TMTC1: variants seen among roughly 807,000 people sequenced by gnomAD.
TMTC1 encodes the protein protein O-mannosyl-transferase TMTC1.
TMTC1 carries 73 observed loss-of-function variants against 104.8 expected under a neutral mutation model. The observed-to-expected ratio is 0.70, with a 90% CI of 0.58 to 0.85. TMTC1 has a LOEUF of 0.85. Ranked by LOEUF, TMTC1 falls within the 40% of genes least tolerant of loss-of-function variation. TMTC1 has a pLI of 0.00. For synonymous variants in TMTC1, 434 were observed against 428.7 expected (o/e 1.01, Z -0.15); for missense variants, 1,035 against 1,096.1 (o/e 0.94, Z 0.79).
chr12:29,555,169 A>C, intron 10 of TMTC1, among the ~76,000 whole-genome samples: 1 of 106,290 alleles, frequency 9.4e-6, no homozygotes, highest in Non-Finnish European at 1.7e-5. Context: ...ACAGAGTCTC[A>C]CTCTGTCACC....
chr12:29,590,391 A>G (rs1236502301), intron 7 of TMTC1, among the ~76,000 whole-genome samples: 1 of 152,226 alleles, frequency 6.6e-6, no homozygotes, highest in Non-Finnish European at 1.5e-5. Flanking sequence ...CAGCTTAACA[A>G]TGGATAGCCA....
In TMTC1 at chr12:29,562,448, C is replaced by G. The variant is rs538216543; in HGVS notation, c.1533-5448G>C. ...AAATGAATCATTTTAAATGGCTGAA[C>G]CTGATTCCTGAGAATTTACTGCTAG... On this transcript the variant is annotated intron_variant, in intron 9 of 17. Transcript: ENST00000539277. 1.4e-4 allele frequency among the ~76,000 whole-genome samples: 21 copies of G among 152,244 alleles called. No homozygotes were observed. In the East Asian group the frequency reaches 1.9e-3, roughly 14 times the overall value.
In TMTC1 at chr12:29,600,013, T is replaced by A. The variant is rs867838167; in HGVS notation, c.1250+4165A>T. Among the ~76,000 whole-genome samples the A allele has an allele frequency of 3.8e-3, 550 of 143,876 alleles. 4 individuals carry two copies. Among genetic ancestry groups the A allele is most frequent in the Middle Eastern group, 7.2e-3 (2 of 278 alleles). The allele number at this position is 143,876 out of a possible 152,430, so 94.4% of individuals were successfully genotyped here. On this transcript the variant is annotated intron_variant, in intron 7 of 17. Transcript: ENST00000539277. ...ATATACATATATATATATATATTTT[T>A]TTTTTTTTTTCCCTCAAAAGAGCCT...
intron 5 of TMTC1, among the ~76,000 whole-genome samples, chr12:29,692,547 G>T (rs185898512): frequency 6.9e-6 from 1 of 145,154 alleles, no homozygotes; most frequent in African/African-American, 2.5e-5. Flanking sequence ...TACATTACTG[G>T]TAGGATATGT....
chr12:29,570,594 AG>A (rs1945640462), intron 9 of TMTC1, among the ~76,000 whole-genome samples: 1 of 152,194 alleles, frequency 6.6e-6, no homozygotes, highest in Non-Finnish European at 1.5e-5. Context: ...CTGTAATCTC[AG>A]CACTTTGGGA....
At chr12:29,637,575 C>T (rs1938621470) in intron 5 of TMTC1, among the ~76,000 whole-genome samples, 1 of 152,154 alleles carries the variant, frequency 6.6e-6, no homozygotes, top group South Asian at 2.1e-4. Context: ...AAGGGAAAGG[C>T]AAGCTGGAGC....
chr12:29,554,476 T>C (rs1181136818), intron 10 of TMTC1, among the ~76,000 whole-genome samples: 1 of 151,748 alleles, frequency 6.6e-6, no homozygotes, highest in East Asian at 1.9e-4. Context: ...TTAGCAAGAC[T>C]AAAAGTAAGA....
intron 2 of TMTC1, 76 bp from the exon 3 acceptor site, chr12:29,758,853 A>G: frequency 8.0e-7 from 1 of 1,255,992 alleles, no homozygotes; most frequent in Non-Finnish European, 1.1e-6. Context: ...TCCATTACAG[A>G]AATGTATTTG....
At chr12:29,704,266 T>C (rs1318025909) in intron 5 of TMTC1, among the ~76,000 whole-genome samples, 2 of 152,250 alleles carry the variant, frequency 1.3e-5, no homozygotes, top group Admixed American at 1.3e-4. Context: ...ATACACTAAT[T>C]ACAATAAAAT....
At chr12:29,556,439 T>A (rs959735373) in intron 10 of TMTC1, among the ~76,000 whole-genome samples, 3 of 152,302 alleles carry the variant, frequency 2.0e-5, no homozygotes, top group African/African-American at 7.2e-5. Context: ...TCTTTGGAAA[T>A]GCCTTCCCTC....
chr12:29,643,330 G>T (rs1260077303), intron 5 of TMTC1, among the ~76,000 whole-genome samples: 19 of 146,404 alleles, frequency 1.3e-4, no homozygotes, highest in African/African-American at 4.6e-4. Context: ...ATTCGAAAAA[G>T]ATACTTGCAC....
At chr12:29,597,312 C>A (rs1404059940) in intron 7 of TMTC1, among the ~76,000 whole-genome samples, 5 of 145,716 alleles carry the variant, frequency 3.4e-5, no homozygotes, top group Non-Finnish European at 7.4e-5. Context: ...TGAGCTCAAG[C>A]AATTGTCCTG....
intron 5 of TMTC1, among the ~76,000 whole-genome samples, chr12:29,664,964 C>T (rs1248582822): frequency 6.6e-6 from 1 of 152,136 alleles, no homozygotes; most frequent in African/African-American, 2.4e-5. Flanking sequence ...TTCCTCTGAT[C>T]CCATCTAACT....
At chr12:29,545,676 C>CACACACACACACACACA (rs1555167547) in intron 10 of TMTC1, among the ~76,000 whole-genome samples, 1 of 137,848 alleles carries the variant, frequency 7.3e-6, no homozygotes, top group Non-Finnish European at 1.6e-5. Flanking sequence ...CACACACACA[C>CACACACACACACACACA]GGATAGAAAC....
At chr12:29,670,022 G>A (rs10128913) in intron 5 of TMTC1, among the ~76,000 whole-genome samples, 84,305 of 151,882 alleles carry the variant, frequency 0.56, 23,615 homozygotes, top group African/African-American at 0.63. Context: ...TGTGTTTTCC[G>A]TTATTTCCAT....
intron 7 of TMTC1, among the ~76,000 whole-genome samples, chr12:29,584,380 T>C (rs1466358626): frequency 6.6e-6 from 1 of 152,194 alleles, no homozygotes; most frequent in Non-Finnish European, 1.5e-5. Context: ...GTATGTATTT[T>C]AGTTGAAATC....
chr12:29,598,529 C>T (rs540427862), intron 7 of TMTC1, among the ~76,000 whole-genome samples: 1 of 152,290 alleles, frequency 6.6e-6, no homozygotes, highest in East Asian at 1.9e-4. Context: ...GGATATCTTT[C>T]CAATTTTTTC....
intron 5 of TMTC1, among the ~76,000 whole-genome samples, chr12:29,700,367 G>C (rs958094820): frequency 4.0e-5 from 6 of 151,768 alleles, no homozygotes; most frequent in African/African-American, 1.5e-4. Context: ...CGAGTAGCTG[G>C]GCTCTTTTAA....
At position 29,770,630 on chromosome 12, in the gene TMTC1, C is replaced by A. The variant is rs189128374; in HGVS notation, c.303-2555G>T. 2.0e-5 allele frequency among the ~76,000 whole-genome samples: 3 copies of A among 152,226 alleles called. No individual in the cohort carries two copies. The East Asian group carries it at 5.8e-4, about 29-fold the overall frequency. On this transcript the variant is annotated intron_variant, in intron 1 of 17. Transcript: ENST00000539277. ...AAATAAATTGCTGAATGAGGAGTCC[C>A]CGCAGTAATGACATAATGCTGTGAA... is the stretch of plus-strand genomic sequence containing the variant.
Sources: allele counts gnomAD v4.1 joint callset (sites outside exome capture counted in the v4.1 genomes callset), GRCh38; gene constraint gnomAD v4.1.1; transcripts MANE v1.5; gene names NCBI Gene and HGNC (gene_info 2026-07-23, HGNC 2026-07-21).